The following NCAM2 variants were observed in gnomAD, a reference collection of about 807,000 sequenced individuals.
NCAM2 encodes N-CAM-2.
In NCAM2, 30 loss-of-function variants were observed where a neutral mutation model predicts 98.1. That is an observed-to-expected ratio of 0.31 (90% CI 0.23 to 0.41). The LOEUF is 0.41. Ranked by LOEUF, NCAM2 falls within the 10% of genes least tolerant of loss-of-function variation. The pLI, the probability that NCAM2 is intolerant of heterozygous loss-of-function variation, is 1.00. For missense variants in NCAM2, 867 were observed against 1,005.8 expected, an observed-to-expected ratio of 0.86 and a Z score of 1.87; for synonymous variants, 368 against 342.4, an observed-to-expected ratio of 1.07 and a Z score of -0.83.
At chr21:21,507,416 G>A (rs754041553) in intron 15 of NCAM2, among the ~76,000 whole-genome samples, 4 of 152,030 alleles carry the variant, frequency 2.6e-5, no homozygotes, top group Admixed American at 6.6e-5. Context: ...ATCTATACCC[G>A]TATCTGTCAC....
intron 12 of NCAM2, among the ~76,000 whole-genome samples, chr21:21,433,703 A>G (rs1013154766): frequency 6.6e-6 from 1 of 151,102 alleles, no homozygotes; most frequent in African/African-American, 2.4e-5. Flanking sequence ...AGATCGCACC[A>G]CTGCACTCCA....
chr21:21,296,950 T>A (rs1026866665), intron 5 of NCAM2, among the ~76,000 whole-genome samples: 1 of 151,674 alleles, frequency 6.6e-6, no homozygotes, highest in African/African-American at 2.4e-5. Flanking sequence ...ATGATACTGC[T>A]TATGTTCTCT....
At chr21:21,529,644 A>G (rs1405523049) in intron 16 of NCAM2, among the ~76,000 whole-genome samples, 1 of 151,944 alleles carries the variant, frequency 6.6e-6, no homozygotes, top group Non-Finnish European at 1.5e-5. Context: ...ACATTCTGGC[A>G]GGGTGTGCTT....
chr21:21,388,415 G>A (rs1480919935), intron 9 of NCAM2, among the ~76,000 whole-genome samples: 1 of 152,134 alleles, frequency 6.6e-6, no homozygotes, highest in Non-Finnish European at 1.5e-5. Context: ...AGGGAACAAG[G>A]GCAGATTATT....
chr21:21,517,468 A>G (rs1988775139), intron 16 of NCAM2, among the ~76,000 whole-genome samples: 1 of 152,212 alleles, frequency 6.6e-6, no homozygotes, highest in Admixed American at 6.5e-5. Context: ...GCAAGGAACT[A>G]GAGGGATAGA....
chr21:21,157,485 G>A (rs1420712895), intron 1 of NCAM2, among the ~76,000 whole-genome samples: 1 of 152,090 alleles, frequency 6.6e-6, no homozygotes, highest in Non-Finnish European at 1.5e-5. Context: ...ATACCATATA[G>A]GGTTATGATC....
intron 8 of NCAM2, among the ~76,000 whole-genome samples, chr21:21,370,525 G>A (rs542620266): frequency 4.0e-5 from 6 of 151,820 alleles, no homozygotes; most frequent in African/African-American, 1.2e-4. Flanking sequence ...ACATTTAGTA[G>A]GTAAAAATGC....
At chr21:21,406,087 G>A (rs781086371) in intron 9 of NCAM2, among the ~76,000 whole-genome samples, 5 of 152,134 alleles carry the variant, frequency 3.3e-5, no homozygotes, top group Non-Finnish European at 5.9e-5. Flanking sequence ...ACCCTCATTC[G>A]TCAAACAGAA....
At chr21:21,381,863 C>T (rs1298668013) in intron 9 of NCAM2, among the ~76,000 whole-genome samples, 3 of 151,930 alleles carry the variant, frequency 2.0e-5, no homozygotes, top group Non-Finnish European at 4.4e-5. Context: ...GAAGTTTCTT[C>T]TCCATTTCTT....
rs866226077 is a variant in NCAM2 at position 21,424,049 on chromosome 21, C to T, written c.1480+5480C>T. ...ATTAGTTCATTTGGTATCACACTTT[C>T]TTCACCTAAATATAACGGCAGGATT... On this transcript the variant is annotated intron_variant, in intron 11 of 17. Transcript: ENST00000400546. 2.6e-5 allele frequency among the ~76,000 whole-genome samples: 4 copies of T among 152,268 alleles called. No homozygotes were observed. In the South Asian group the frequency reaches 6.2e-4, roughly 24 times the overall value.
intron 5 of NCAM2, among the ~76,000 whole-genome samples, chr21:21,307,574 C>T (rs988459833): frequency 5.3e-5 from 8 of 152,062 alleles, no homozygotes; most frequent in Non-Finnish European, 1.2e-4. Context: ...TTTCTGGAGG[C>T]TCTGAGGCAG....
chr21:21,032,310 G>A (rs567802012), intron 1 of NCAM2, among the ~76,000 whole-genome samples: 3 of 152,224 alleles, frequency 2.0e-5, no homozygotes, highest in South Asian at 2.1e-4. Context: ...AAATTAAATT[G>A]TAAGTTATGT....
At chr21:21,209,068 T>C (rs532629333) in intron 1 of NCAM2, among the ~76,000 whole-genome samples, 1 of 152,302 alleles carries the variant, frequency 6.6e-6, no homozygotes, top group East Asian at 1.9e-4. Context: ...TTTTTTACTT[T>C]AATGTGATTG....
chr21:21,351,523 A>G (rs956788115), intron 8 of NCAM2, among the ~76,000 whole-genome samples: 1 of 152,144 alleles, frequency 6.6e-6, no homozygotes, highest in South Asian at 2.1e-4. Flanking sequence ...ATAAGTCAAA[A>G]TTTTGAATTA....
intron 1 of NCAM2, among the ~76,000 whole-genome samples, chr21:21,173,429 A>C (rs2068184605): frequency 6.6e-6 from 1 of 152,188 alleles, no homozygotes; most frequent in Admixed American, 6.5e-5. Context: ...ATAGCAATGA[A>C]CCTTGTATTT....
chr21:21,021,850 C>T (rs1210476336), intron 1 of NCAM2, among the ~76,000 whole-genome samples: 2 of 152,198 alleles, frequency 1.3e-5, no homozygotes, highest in East Asian at 1.9e-4. Context: ...TTGTTAATCT[C>T]GTCCTCTAAA....
At chr21:21,034,038 T>A (rs2064746375) in intron 1 of NCAM2, among the ~76,000 whole-genome samples, 2 of 137,444 alleles carry the variant, frequency 1.5e-5, no homozygotes, top group Admixed American at 7.6e-5. Context: ...GGTTGTGAGA[T>A]AAGAGATAGG....
intron 1 of NCAM2, among the ~76,000 whole-genome samples, chr21:21,254,631 G>A (rs907687962): frequency 1.3e-5 from 2 of 152,130 alleles, no homozygotes; most frequent in Non-Finnish European, 2.9e-5. Flanking sequence ...GCTAATGGCT[G>A]AAGTTGGCCC....
intron 12 of NCAM2, among the ~76,000 whole-genome samples, chr21:21,461,337 T>C (rs2146192717): frequency 6.6e-6 from 1 of 152,102 alleles, no homozygotes; most frequent in African/African-American, 2.4e-5. Flanking sequence ...GGAAGCCATC[T>C]GATTTTAAGG....
Sources: allele counts gnomAD v4.1 joint callset (sites outside exome capture counted in the v4.1 genomes callset), GRCh38; gene constraint gnomAD v4.1.1; transcripts MANE v1.5; gene names NCBI Gene and HGNC (gene_info 2026-07-23, HGNC 2026-07-21).